ANKRD11: variants seen among roughly 807,000 people sequenced by gnomAD.
ANKRD11 encodes ankyrin repeat domain-containing protein 11.
Under a neutral mutation model 195.7 loss-of-function variants are expected in ANKRD11, and 17 were observed. That is an observed-to-expected ratio of 0.09 (90% CI 0.06 to 0.13). The LOEUF is 0.13. ANKRD11 is among the 10% of genes least tolerant of loss of function. ANKRD11 has a pLI of 1.00. For missense variants in ANKRD11, 3,735 were observed against 3,566.1 expected, an observed-to-expected ratio of 1.05 and a Z score of -1.21; for synonymous variants, 1,953 against 1,528.1, an observed-to-expected ratio of 1.28 and a Z score of -6.49.
intron 1 of ANKRD11, among the ~76,000 whole-genome samples, chr16:89,467,568 G>A (rs1041817670): frequency 6.6e-6 from 1 of 152,022 alleles, no homozygotes; most frequent in East Asian, 1.9e-4. Flanking sequence ...GTCTTGCTAT[G>A]CTGCCCAGGC....
At chr16:89,295,407 T>A (rs1219503155) in intron 4 of ANKRD11, among the ~76,000 whole-genome samples, 1 of 152,090 alleles carries the variant, frequency 6.6e-6, no homozygotes, top group Non-Finnish European at 1.5e-5. Flanking sequence ...GTAGGGCCTT[T>A]CTTCAAACCA....
intron 2 of ANKRD11, among the ~76,000 whole-genome samples, chr16:89,372,023 T>C (rs1380575860): frequency 6.6e-6 from 1 of 152,074 alleles, no homozygotes; most frequent in Non-Finnish European, 1.5e-5. Context: ...AAGAACATGG[T>C]GAAGCCAGGA....
chr16:89,290,959 C>T (rs530692099), intron 5 of ANKRD11, 54 bp downstream of exon 5: 66 of 1,609,578 alleles, frequency 4.1e-5, no homozygotes, highest in South Asian at 4.0e-4. Context: ...CATGAGGCTG[C>T]GACCAGGCAG....
At chr16:89,392,510 A>G (rs997052018) in intron 2 of ANKRD11, 1 of 152,036 alleles carries the variant, frequency 6.6e-6, no homozygotes, top group Non-Finnish European at 1.5e-5. Context: ...CTGCCAGTTC[A>G]TGTTTTCCAT....
chr16:89,339,202 A>AT (rs1206107083), intron 2 of ANKRD11, among the ~76,000 whole-genome samples: 1 of 152,202 alleles, frequency 6.6e-6, no homozygotes, highest in Non-Finnish European at 1.5e-5. Context: ...CAAAAGGTCC[A>AT]TTTTTCAGTC....
chr16:89,326,164 C>T (rs2037705778), intron 2 of ANKRD11, among the ~76,000 whole-genome samples: 1 of 152,188 alleles, frequency 6.6e-6, no homozygotes, highest in Non-Finnish European at 1.5e-5. Context: ...TACAATTGCA[C>T]AGCTAAAAAT....
At chr16:89,398,250 G>A (rs1345085745) in intron 2 of ANKRD11, among the ~76,000 whole-genome samples, 4 of 149,390 alleles carry the variant, frequency 2.7e-5, no homozygotes, top group African/African-American at 1.0e-4. Flanking sequence ...TGACATGAGG[G>A]ACACTGTGAA....
At chr16:89,275,992 GGGGCCACAGCAGTCGTACCA>G (rs2033621496) in intron 9 of ANKRD11, among the ~76,000 whole-genome samples, 1 of 152,190 alleles carries the variant, frequency 6.6e-6, no homozygotes, top group Admixed American at 6.5e-5. Context: ...CCGTGTGCTC[GGGGCCACAGCAGTCGTACCA>G]GGGCCACCAC....
chr16:89,336,897 C>T (rs940052959), intron 2 of ANKRD11, among the ~76,000 whole-genome samples: 5 of 147,786 alleles, frequency 3.4e-5, no homozygotes, highest in African/African-American at 5.0e-5. Flanking sequence ...AGGCTGGGTG[C>T]GGTGGCTCAT....
intron 1 of ANKRD11, among the ~76,000 whole-genome samples, chr16:89,432,984 CTCTCT>C (rs1567798647): frequency 1.1e-4 from 15 of 135,148 alleles, no homozygotes; most frequent in East Asian, 2.0e-4. Context: ...CTCTCTCTCT[CTCTCT>C]CCTCTCTCTC....
rs753839568 is a variant in ANKRD11, at chr16:89,284,190, C to G, written c.2352G>C (p.Glu784Asp). ...TCTCCTTCTCTTTTGAAATTTTGTC[C>G]TCTTTTAAATCATTCTTCTTCTCTA... ...SKLEKKNDLK[E>D]DKISKEKEKI... Residue 784 changes from glutamate to aspartate, a missense_variant, in exon 9 of 13, where the codon GAG (glutamate) becomes GAC (aspartate). By Grantham distance (45) the Glu-to-Asp change is conservative. Coordinates refer to ENST00000301030, the MANE Select transcript of ANKRD11 (RefSeq NM_013275.6). 6.2e-7 allele frequency: 1 copy of G among 1,606,366 alleles called. No individual in the cohort carries two copies. Among genetic ancestry groups the G allele is most frequent in the Non-Finnish European group, 8.5e-7 (1 of 1,178,326 alleles).
chr16:89,388,725 C>A (rs1246266888), intron 2 of ANKRD11, among the ~76,000 whole-genome samples: 2 of 152,146 alleles, frequency 1.3e-5, no homozygotes, highest in Admixed American at 1.3e-4. Context: ...GAAGAGCCGG[C>A]AGGTCCCGGG....
intron 4 of ANKRD11, among the ~76,000 whole-genome samples, chr16:89,296,296 G>A (rs1490886277): frequency 6.6e-6 from 1 of 152,048 alleles, no homozygotes; most frequent in African/African-American, 2.4e-5. Context: ...AAAGCCCTCT[G>A]CTGCCGGCCT....
intron 6 of ANKRD11, chr16:89,288,984 C>G (rs2034844728): frequency 2.1e-6 from 1 of 475,028 alleles, no homozygotes; most frequent in Middle Eastern, 6.0e-4. Context: ...AAACAGCAGC[C>G]TCATCCTCAC....
chr16:89,288,757 A>G (rs2034827059), intron 6 of ANKRD11, 87 bp from the exon 7 acceptor site: 43 of 1,599,358 alleles, frequency 2.7e-5, no homozygotes, highest in Non-Finnish European at 3.7e-5. Flanking sequence ...GATGTGCTAC[A>G]GTGCGGGGAC....
rs1488716914 is a variant in ANKRD11, at chr16:89,469,190, A to G, written c.-145+21055T>C. ...GCGAGGCTCTGTTTCAAAAAAAAAA[A>G]GAGGAAAAAAAAGAAATAAGCCTGT... is the stretch of plus-strand genomic sequence containing the variant. On this transcript the variant is annotated intron_variant, in intron 1 of 12. Coordinates refer to ENST00000301030, the MANE Select transcript of ANKRD11 (RefSeq NM_013275.6). Among the ~76,000 whole-genome samples, 6 of 151,918 alleles carry G rather than the reference A, an allele frequency of 3.9e-5. No individual in the cohort carries two copies. In the South Asian group the frequency reaches 8.3e-4, roughly 21 times the overall value.
chr16:89,409,829 A>AATTTATTTATTTATTTATTT lies in ANKRD11; in HGVS notation c.-60+8435_-60+8454dup, dbSNP rs1262220424. Reference sequence around the variant, plus strand: ...CTGCTCACTTCTCAATTTCAATCTAAATTTATTTATTTATTTATTTATTTT... The same window carrying AATTTATTTATTTATTTATTT: ...CTGCTCACTTCTCAATTTCAATCTAAATTTATTTATTTATTTATTTATTTATTTATTTATTTATTTATTTT... On this transcript the variant is annotated intron_variant, in intron 2 of 12. Transcript: ENST00000301030. Among the ~76,000 whole-genome samples, 1,321 of 151,486 alleles carry AATTTATTTATTTATTTATTT rather than the reference A, an allele frequency of 8.7e-3. 15 individuals carry two copies. The highest frequency in any genetic ancestry group is 0.031 in the African/African-American group (1,266 of 40,944).
At chr16:89,460,867 G>T (rs1314416664) in intron 1 of ANKRD11, among the ~76,000 whole-genome samples, 1 of 152,068 alleles carries the variant, frequency 6.6e-6, no homozygotes, top group Non-Finnish European at 1.5e-5. Context: ...AGGGAAATAT[G>T]CCAGTCACGA....
intron 1 of ANKRD11, among the ~76,000 whole-genome samples, chr16:89,470,286 T>C (rs1257893208): frequency 6.6e-6 from 1 of 152,112 alleles, no homozygotes; most frequent in Non-Finnish European, 1.5e-5. Flanking sequence ...GGTCATAGCT[T>C]ATCACTAAGA....
Sources: gnomAD v4.1 joint callset for allele counts (sites outside exome capture counted in the v4.1 genomes callset) on GRCh38, gnomAD v4.1.1 for gene constraint, MANE v1.5 for transcripts, NCBI Gene and HGNC (gene_info 2026-07-23, HGNC 2026-07-21) for gene names.